The following GNB1L variants were observed in gnomAD, a reference collection of about 807,000 sequenced individuals.
GNB1L encodes guanine nucleotide-binding protein subunit beta-like protein 1.
In GNB1L, 20 loss-of-function variants were observed where a neutral mutation model predicts 29.1. The ratio of observed to expected loss-of-function variants is 0.69; its 90% CI spans 0.48 to 1.00. The LOEUF (loss-of-function observed/expected upper bound fraction) is 1.00, where lower values mean the gene tolerates loss of function less well. GNB1L is among the 50% of genes least tolerant of loss of function. The pLI, the probability that GNB1L is intolerant of heterozygous loss-of-function variation, is 0.00. For missense variants in GNB1L, 421 were observed against 464.9 expected (o/e 0.91, Z 0.87); for synonymous variants, 193 against 206.5 (o/e 0.93, Z 0.56).
intron 4 of GNB1L, among the ~76,000 whole-genome samples, chr22:19,819,317 T>G (rs967040428): frequency 1.5e-4 from 23 of 152,218 alleles, no homozygotes; most frequent in African/African-American, 5.1e-4. Context: ...CTGCCACCCA[T>G]GCAGGAGGAT....
intron 2 of GNB1L, 59 bp from the exon 3 acceptor site, chr22:19,821,434 G>A: frequency 6.6e-7 from 1 of 1,518,592 alleles, no homozygotes; most frequent in Non-Finnish European, 9.0e-7. Context: ...CTCTAGGAAG[G>A]CTGCTCAGGC....
intron 2 of GNB1L, chr22:19,846,850 T>G: frequency 1.4e-5 from 12 of 880,044 alleles, no homozygotes; most frequent in East Asian, 1.2e-4. Context: ...TCCAGAATCA[T>G]GAGGAAATGT....
intron 7 of GNB1L, among the ~76,000 whole-genome samples, chr22:19,801,254 G>A (rs976653063): frequency 6.6e-6 from 1 of 152,136 alleles, no homozygotes; most frequent in Admixed American, 6.5e-5. Flanking sequence ...GGGGCTCCTT[G>A]TCCACCCCCC....
chr22:19,838,596 G>A (rs1937805412), intron 2 of GNB1L, among the ~76,000 whole-genome samples: 1 of 151,792 alleles, frequency 6.6e-6, no homozygotes, highest in Admixed American at 6.6e-5. Context: ...TCAGCCTCCT[G>A]GGTAGCTGGA....
At position 19,851,079 on chromosome 22, in the gene GNB1L, AC is replaced by A; in HGVS notation, c.-21+3363del. ...GGGTCTGAAGTCATCTGGGGACACC[AC>A]TCTGCTCTGACTGGGGACTATGGGG... On this transcript the variant is annotated intron_variant, in intron 2 of 7. Coordinates refer to ENST00000329517, the MANE Select transcript of GNB1L (RefSeq NM_053004.3). The A allele has an allele frequency of 2.7e-6, 4 of 1,477,616 alleles. No individual in the cohort carries two copies. In the South Asian group the frequency reaches 5.6e-5, roughly 21 times the overall value. The allele number at this position is 1,477,616 out of a possible 1,614,324, so 91.5% of individuals were successfully genotyped here.
At chr22:19,836,354 TATC>T (rs1937764618) in intron 2 of GNB1L, among the ~76,000 whole-genome samples, 1 of 151,436 alleles carries the variant, frequency 6.6e-6, no homozygotes, top group South Asian at 2.1e-4. Context: ...AATAGTCCTG[TATC>T]AATTAAAGGA....
chr22:19,816,571 T>C lies in GNB1L; in HGVS notation c.254+4027A>G, dbSNP rs969058709. Among the ~76,000 whole-genome samples, 1 of 152,000 alleles carries C rather than the reference T, an allele frequency of 6.6e-6. No individual in the cohort carries two copies. The highest frequency in any genetic ancestry group is 2.1e-4 in the South Asian group (1 of 4,830). ...CCACCAGGCCCCTCCGCACACGGGC[T>C]AGGGAACACACACATGCCTCACATG... On this transcript the variant is annotated intron_variant, in intron 4 of 7. Transcript: ENST00000329517. The surrounding 1 kb of genome is among the most constrained non-coding windows in gnomAD (Gnocchi z 4.4).
intron 2 of GNB1L, among the ~76,000 whole-genome samples, chr22:19,826,828 T>C (rs1055362492): frequency 5.9e-5 from 9 of 152,064 alleles, no homozygotes; most frequent in African/African-American, 2.2e-4. Context: ...ACCTTGTGTG[T>C]CCCTGCCAAC....
At chr22:19,828,981 G>T (rs943750233) in intron 2 of GNB1L, among the ~76,000 whole-genome samples, 1 of 152,080 alleles carries the variant, frequency 6.6e-6, no homozygotes, top group Non-Finnish European at 1.5e-5. Flanking sequence ...ACAGGCACAC[G>T]CCACAGTGCC....
intron 5 of GNB1L, among the ~76,000 whole-genome samples, chr22:19,811,300 C>T (rs1439973776): frequency 6.6e-6 from 1 of 152,192 alleles, no homozygotes; most frequent in African/African-American, 2.4e-5. Context: ...CAGTACCAGC[C>T]CCAAAGACTG....
At chr22:19,829,743 T>C (rs1274990613) in intron 2 of GNB1L, among the ~76,000 whole-genome samples, 2 of 152,198 alleles carry the variant, frequency 1.3e-5, no homozygotes, top group Non-Finnish European at 2.9e-5. Flanking sequence ...AAAAAGCATG[T>C]AATTATCTCC....
intron 2 of GNB1L, among the ~76,000 whole-genome samples, chr22:19,854,239 G>T (rs1038919668): frequency 3.9e-5 from 6 of 152,338 alleles, no homozygotes; most frequent in African/African-American, 1.4e-4. Context: ...CGGCGCATGT[G>T]TGTTTGCCCC....
chr22:19,789,016 C>T (rs1338384432), intron 7 of GNB1L, 56 bp from the exon 8 acceptor site: 2 of 1,524,002 alleles, frequency 1.3e-6, no homozygotes, highest in Non-Finnish European at 1.8e-6. Flanking sequence ...GGCAGTGCTG[C>T]CCCTGGTGCC....
At chr22:19,850,415 C>T in intron 2 of GNB1L, 4 of 991,822 alleles carry the variant, frequency 4.0e-6, no homozygotes, top group Non-Finnish European at 4.8e-6. Context: ...CAGGGGATGG[C>T]AGCACAGCAG....
At chr22:19,797,398 A>AT (rs1937319060) in intron 7 of GNB1L, among the ~76,000 whole-genome samples, 1 of 152,202 alleles carries the variant, frequency 6.6e-6, no homozygotes, top group Admixed American at 6.5e-5. Context: ...AGATTCAGGG[A>AT]CAGACTGAGG....
At chr22:19,819,332 C>A (rs537350519) in intron 4 of GNB1L, among the ~76,000 whole-genome samples, 1 of 152,208 alleles carries the variant, frequency 6.6e-6, no homozygotes, top group South Asian at 2.1e-4. Flanking sequence ...GAGGATGGTG[C>A]GACAGCCACA....
chr22:19,800,051 C>T (rs1937351949), intron 7 of GNB1L, among the ~76,000 whole-genome samples: 1 of 152,266 alleles, frequency 6.6e-6, no homozygotes, highest in South Asian at 2.1e-4. Flanking sequence ...ATGCCCTGCC[C>T]AGCACGCCAC....
intron 2 of GNB1L, chr22:19,846,903 C>A: frequency 1.0e-6 from 1 of 982,962 alleles, no homozygotes; most frequent in Non-Finnish European, 1.2e-6. Flanking sequence ...TGTCAGGCAG[C>A]CCCAGCAGAC....
At chr22:19,800,448 C>T (rs1041924628) in intron 7 of GNB1L, among the ~76,000 whole-genome samples, 1 of 152,178 alleles carries the variant, frequency 6.6e-6, no homozygotes, top group Non-Finnish European at 1.5e-5. Context: ...CCTGCAGGAT[C>T]CCTGCCAGGC....
Sources: gnomAD v4.1 joint callset for allele counts (sites outside exome capture counted in the v4.1 genomes callset) on GRCh38, gnomAD v4.1.1 for gene constraint, Gnocchi (gnomAD v3.1) non-coding constraint, MANE v1.5 for transcripts, NCBI Gene and HGNC (gene_info 2026-07-23, HGNC 2026-07-21) for gene names.